Variants in SMIM12 observed in about 807,000 individuals in gnomAD.
The protein encoded by SMIM12 is UPF0767 protein C1orf212.
A neutral mutation model predicts 6.3 loss-of-function variants in SMIM12; 5 were observed. That is an observed-to-expected ratio of 0.80 (90% CI 0.42 to 1.68). SMIM12 has a LOEUF of 1.68. Among genes scored for constraint, SMIM12 ranks in the 40% most tolerant of loss-of-function variants. The pLI, the probability that SMIM12 is intolerant of heterozygous loss-of-function variation, is 0.02. For missense variants in SMIM12, 103 were observed against 121.4 expected (o/e 0.85, Z 0.71); for synonymous variants, 51 against 48.0 (o/e 1.06, Z -0.26).
chr1:34,855,630 G>A lies in SMIM12; in HGVS notation c.*69C>T, dbSNP rs1638623972. The A allele has an allele frequency of 1.2e-6, 2 of 1,613,852 alleles. No individual in the cohort carries two copies. The highest frequency in any genetic ancestry group is 1.7e-6 in the Non-Finnish European group (2 of 1,180,012). On this transcript the variant is annotated 3_prime_UTR_variant, in exon 2 of 2. Transcript: ENST00000521580. ...CAAAGCCAATTAGATGTGGGTTCTGGGGCTCTGTCAACATGGTAGCAGGAC... is the reference window on the plus strand; with the variant it reads ...CAAAGCCAATTAGATGTGGGTTCTGAGGCTCTGTCAACATGGTAGCAGGAC...
chr1:34,855,177 C>T lies in SMIM12; in HGVS notation c.*522G>A. 1 of 1,367,752 alleles carries T rather than the reference C, an allele frequency of 7.3e-7. No individual in the cohort carries two copies. Among genetic ancestry groups the T allele is most frequent in the Non-Finnish European group, 9.8e-7 (1 of 1,021,994 alleles). 84.7% of individuals were successfully genotyped at this position (1,367,752 alleles called of 1,614,324 possible). ...CCCAAAGTGAACAGTCTGGGCTTCC[C>T]AGAACAGAAAAGTGCTTTCCTTCCT... On this transcript the variant is annotated 3_prime_UTR_variant, in exon 2 of 2. Coordinates refer to ENST00000521580, the MANE Select transcript of SMIM12 (RefSeq NM_138428.6).
chr1:34,854,492 A>G lies in SMIM12; in HGVS notation c.*1207T>C, dbSNP rs1390944965. 1 of 152,160 alleles carries G rather than the reference A, an allele frequency of 6.6e-6. No individual in the cohort carries two copies. Among genetic ancestry groups the G allele is most frequent in the East Asian group, 1.9e-4 (1 of 5,192 alleles). 9.4% of individuals were successfully genotyped at this position (152,160 alleles called of 1,614,324 possible). A position where few individuals can be genotyped will look rare whatever the true frequency, so the allele number is the denominator to read the frequency against. On this transcript the variant is annotated 3_prime_UTR_variant, in exon 2 of 2. Transcript: ENST00000521580. Reference sequence around the variant, plus strand: ...GGAGCTGAAGTGAGAGGATCACTTGAGCCCAGGAGGTCAAGGTTGCACTGA... The same window carrying G: ...GGAGCTGAAGTGAGAGGATCACTTGGGCCCAGGAGGTCAAGGTTGCACTGA...
At position 34,855,072 on chromosome 1, in the gene SMIM12, G is replaced by A. The variant is rs1421264653; in HGVS notation, c.*627C>T. ...TGGTTCTCAGATACCACTTTAATCA[G>A]GTTTTTCACTATACAGTGATGGGGG... is the stretch of plus-strand genomic sequence containing the variant. On this transcript the variant is annotated 3_prime_UTR_variant, in exon 2 of 2. Coordinates refer to ENST00000521580, the MANE Select transcript of SMIM12 (RefSeq NM_138428.6). 1 of 1,279,506 alleles carries A rather than the reference G, an allele frequency of 7.8e-7. No individual in the cohort carries two copies. The highest frequency in any genetic ancestry group is 1.0e-6 in the Non-Finnish European group (1 of 980,156). The allele number at this position is 1,279,506 out of a possible 1,614,324, so 79.3% of individuals were successfully genotyped here.
In SMIM12 at chr1:34,855,739, G is replaced by A. The variant is rs771790970; in HGVS notation, c.239C>T (p.Pro80Leu). Residue 80 changes from proline to leucine, a missense_variant, in exon 2 of 2, where the codon CCG becomes CTG. Transcript: ENST00000521580. ...GCGGTTTCTGTTCAGCACAGCTTTC[G>A]GGGCAAATTCTAGCTTGTCCTTAAG... ...VSLKDKLEFAPKAVLNRNRPE... is the reference protein window; with the variant it reads ...VSLKDKLEFALKAVLNRNRPE... 25 of 1,603,020 alleles carry A rather than the reference G, an allele frequency of 1.6e-5. No homozygotes were observed. The highest frequency in any genetic ancestry group is 1.1e-4 in the East Asian group (5 of 44,496).
In SMIM12 at chr1:34,853,813, T is replaced by C. The variant is rs1228239981; in HGVS notation, c.*1886A>G. ...GCCTGACCAACATGGTGAAACCCTG[T>C]CTCTACTAAAAATACAAAAATTAGC... On this transcript the variant is annotated 3_prime_UTR_variant, in exon 2 of 2. Coordinates refer to ENST00000521580, the MANE Select transcript of SMIM12 (RefSeq NM_138428.6). The C allele has an allele frequency of 6.6e-6, 1 of 150,964 alleles. No homozygotes were observed. The highest frequency in any genetic ancestry group is 2.4e-5 in the African/African-American group (1 of 40,894). The allele number at this position is 150,964 out of a possible 1,614,324, so 9.4% of individuals were successfully genotyped here.
chr1:34,855,703 T>C lies in SMIM12; in HGVS notation c.275A>G (p.Asn92Ser), dbSNP rs1453282083. 3.1e-6 allele frequency: 5 copies of C among 1,612,996 alleles called. No homozygotes were observed. Among genetic ancestry groups the C allele is most frequent in the Admixed American group, 3.3e-5 (2 of 59,962 alleles). Residue 92 changes from asparagine (N) to serine (S), a missense_variant, in exon 2 of 2, where the codon AAT (asparagine) becomes AGT (serine). Asn to Ser is a conservative substitution (Grantham distance 46, BLOSUM62 1). Transcript: ENST00000521580. The stretch of plus-strand genomic sequence containing the variant: ...CATAGGGCCCTGTGTCCTCCATTAA[T>C]TCTTCTCTGGGCGGTTTCTGTTCAG... ...AVLNRNRPEK[N>S]
Position 34,859,748 on chromosome 1 carries a change from G to A in SMIM12, c.-77C>T. On this transcript the variant is annotated 5_prime_UTR_variant, in exon 1 of 2. Transcript: ENST00000521580. ...GCTCGCCGGGAGCACGGAAGTCGCC[G>A]CACCCAGCGGCCCGCGGGACCTTGC... The A allele has an allele frequency of 6.6e-6, 1 of 152,426 alleles. No homozygotes were observed. The allele number at this position is 152,426 out of a possible 1,614,324, so 9.4% of individuals were successfully genotyped here.
At chr1:34,858,950 G>A (rs1158882852) in intron 1 of SMIM12, 2 of 152,160 alleles carry the variant, frequency 1.3e-5, no homozygotes, top group Non-Finnish European at 2.9e-5. Context: ...GCCTGGCAGA[G>A]TGCCCAAAAA....
rs1638619160 is a variant in SMIM12 at position 34,855,519 on chromosome 1, C to T, written c.*180G>A. The T allele has an allele frequency of 2.5e-6, 4 of 1,610,862 alleles. No homozygotes were observed. Among genetic ancestry groups the T allele is most frequent in the South Asian group, 1.1e-5 (1 of 90,226 alleles). ...ATGCGGCCTTCCTCTTCACTGGCCC[C>T]TCGGCTGCTGCTGGGTCTGCCTGGC... On this transcript the variant is annotated 3_prime_UTR_variant, in exon 2 of 2. Coordinates refer to ENST00000521580, the MANE Select transcript of SMIM12 (RefSeq NM_138428.6).
Position 34,851,713 on chromosome 1 carries a change from A to G in SMIM12, c.*3986T>C, listed in dbSNP as rs1308527002. 1.3e-5 allele frequency among the ~76,000 whole-genome samples: 2 copies of G among 152,166 alleles called. No homozygotes were observed. Among genetic ancestry groups the G allele is most frequent in the Non-Finnish European group, 2.9e-5 (2 of 68,022 alleles). ...TAGAAAGAGTGGAAAAGCACCAGAC[A>G]CTGAACCGCTGCAGGGAGAGAAGTG... On this transcript the variant is annotated 3_prime_UTR_variant, in exon 2 of 2. Coordinates refer to ENST00000521580, the MANE Select transcript of SMIM12 (RefSeq NM_138428.6).
rs1640919733 is a variant in SMIM12, at chr1:34,851,120, C to T, written c.*4579G>A. The T allele has an allele frequency of 6.6e-6, 1 of 152,206 alleles. No homozygotes were observed. Among genetic ancestry groups the T allele is most frequent in the African/African-American group, 2.4e-5 (1 of 41,440 alleles). The allele number at this position is 152,206 out of a possible 1,614,324, so 9.4% of individuals were successfully genotyped here. On this transcript the variant is annotated 3_prime_UTR_variant, in exon 2 of 2. Coordinates refer to ENST00000521580, the MANE Select transcript of SMIM12 (RefSeq NM_138428.6). ...TCTTCCTGCAATACAATTAAAGCTG[C>T]TAACATTTACTGAGTACCTACTGGT...
intron 1 of SMIM12, chr1:34,857,891 T>C (rs1638703338): frequency 6.6e-6 from 1 of 152,208 alleles, no homozygotes; most frequent in Non-Finnish European, 1.5e-5. Flanking sequence ...GCACACAACG[T>C]AGATCCCTCA....
rs141185698 is a variant in SMIM12, at chr1:34,852,786, AG to A, written c.*2912del. 6.6e-5 allele frequency: 10 copies of A among 152,540 alleles called. No individual in the cohort carries two copies. The highest frequency in any genetic ancestry group is 2.4e-4 in the African/African-American group (10 of 41,474). 9.4% of individuals were successfully genotyped at this position (152,540 alleles called of 1,614,324 possible). ...TGAGTCACCACTGCCCCCTTTCGGC[AG>A]GTCTATACTTTCTGCCAGCGTGGTG... is the stretch of plus-strand genomic sequence containing the variant. On this transcript the variant is annotated 3_prime_UTR_variant, in exon 2 of 2. Transcript: ENST00000521580.
chr1:34,852,474 A>AC lies in SMIM12; in HGVS notation c.*3224_*3225insG, dbSNP rs1425267316. Among the ~76,000 whole-genome samples, 1 of 146,174 alleles carries AC rather than the reference A, an allele frequency of 6.8e-6. No individual in the cohort carries two copies. Among genetic ancestry groups the AC allele is most frequent in the Middle Eastern group, 3.2e-3 (1 of 312 alleles). ...AGTTGTTAGATCGCCAAAAAAAAAAAAAAAAAAAAAACCATAATTATAGGT... is the reference window on the plus strand; with the variant it reads ...AGTTGTTAGATCGCCAAAAAAAAAAACAAAAAAAAAAACCATAATTATAGGT... On this transcript the variant is annotated 3_prime_UTR_variant, in exon 2 of 2. Coordinates refer to ENST00000521580, the MANE Select transcript of SMIM12 (RefSeq NM_138428.6).
At position 34,855,139 on chromosome 1, in the gene SMIM12, T is replaced by G. The variant is rs775016874; in HGVS notation, c.*560A>C. 6 of 1,354,062 alleles carry G rather than the reference T, an allele frequency of 4.4e-6. No individual in the cohort carries two copies. The highest frequency in any genetic ancestry group is 5.9e-6 in the Non-Finnish European group (6 of 1,014,168). The allele number at this position is 1,354,062 out of a possible 1,614,324, so 83.9% of individuals were successfully genotyped here. A position where few individuals can be genotyped will look rare whatever the true frequency, so the allele number is the denominator to read the frequency against. ...TTTTCAAGCAAATTCACGAGGCACATGTTCGTCCCTGCCCCAAAGTGAACA... is the reference window on the plus strand; with the variant it reads ...TTTTCAAGCAAATTCACGAGGCACAGGTTCGTCCCTGCCCCAAAGTGAACA... On this transcript the variant is annotated 3_prime_UTR_variant, in exon 2 of 2. Coordinates refer to ENST00000521580, the MANE Select transcript of SMIM12 (RefSeq NM_138428.6).
chr1:34,855,930 G>A lies in SMIM12; in HGVS notation c.48C>T (p.Val16=). 6.4e-7 allele frequency: 1 copy of A among 1,551,604 alleles called. No individual in the cohort carries two copies. ...WTVVRTYAPY[V]TFPVAFVVGA... is the part of the protein sequence containing the mutation. ...CGACCACGAAGGCAACAGGGAATGT[G>A]ACATAAGGAGCATAGGTACGAACCA... is the stretch of plus-strand genomic sequence containing the variant. Residue 16 remains valine (V), a synonymous_variant, in exon 2 of 2, where the codon GTC becomes GTT. Transcript: ENST00000521580.
At chr1:34,856,582 A>AC (rs1638661482) in intron 1 of SMIM12, 1 of 152,178 alleles carries the variant, frequency 6.6e-6, no homozygotes, top group Admixed American at 6.5e-5. Flanking sequence ...CCTATTGTTG[A>AC]CCCCAGGACC....
rs1638476057 is a variant in SMIM12 at position 34,852,475 on chromosome 1, A to AAC, written c.*3223_*3224insGT. Among the ~76,000 whole-genome samples, 1 of 151,348 alleles carries AAC rather than the reference A, an allele frequency of 6.6e-6. No individual in the cohort carries two copies. Among genetic ancestry groups the AAC allele is most frequent in the East Asian group, 1.9e-4 (1 of 5,184 alleles). The stretch of plus-strand genomic sequence containing the variant: ...GTTGTTAGATCGCCAAAAAAAAAAA[A>AAC]AAAAAAAAAACCATAATTATAGGTG... On this transcript the variant is annotated 3_prime_UTR_variant, in exon 2 of 2. Coordinates refer to ENST00000521580, the MANE Select transcript of SMIM12 (RefSeq NM_138428.6).
At chr1:34,859,155 T>C (rs567045087) in intron 1 of SMIM12, 1 of 152,374 alleles carries the variant, frequency 6.6e-6, no homozygotes, top group African/African-American at 2.4e-5. Flanking sequence ...AAAAACACTG[T>C]GACGCATATT....
Sources: allele counts gnomAD v4.1 joint callset (sites outside exome capture counted in the v4.1 genomes callset), GRCh38; gene constraint gnomAD v4.1.1; transcripts MANE v1.5; gene names NCBI Gene and HGNC (gene_info 2026-07-23, HGNC 2026-07-21).